The following SPAG17 variants were observed in gnomAD, a reference collection of about 807,000 sequenced individuals.
SPAG17 encodes the protein sperm associated antigen 17.
In SPAG17, 169 loss-of-function variants were observed where a neutral mutation model predicts 273.6. The ratio of observed to expected loss-of-function variants is 0.62; its 90% CI spans 0.55 to 0.70. The LOEUF (loss-of-function observed/expected upper bound fraction) is 0.70, where lower values mean the gene tolerates loss of function less well. Among genes scored for constraint, SPAG17 ranks in the 30% least tolerant of loss-of-function variants. SPAG17 has a pLI of 0.00. For synonymous variants in SPAG17, 825 were observed against 873.2 expected (o/e 0.94, Z 0.97); for missense variants, 2,557 against 2,627.8 (o/e 0.97, Z 0.59).
rs1052884220 is a variant in SPAG17, at chr1:118,008,371, C to T, written c.4433-173G>A. Among the ~76,000 whole-genome samples, 5 of 152,066 alleles carry T rather than the reference C, an allele frequency of 3.3e-5. 1 individual carries two copies. The highest frequency in any genetic ancestry group is 5.9e-5 in the Non-Finnish European group (4 of 68,010). ...CTCCACAGGGTTGGAGTGTGGCCTG[C>T]TGTTCTTGTCAATTCATAATAATTC... On this transcript the variant is annotated intron_variant, in intron 30 of 48. Transcript: ENST00000336338.
At chr1:118,100,718 G>A (rs1344259262) in intron 5 of SPAG17, among the ~76,000 whole-genome samples, 1 of 152,144 alleles carries the variant, frequency 6.6e-6, no homozygotes, top group Non-Finnish European at 1.5e-5. Context: ...AAAGCCCTCT[G>A]CTATCTCATT....
chr1:118,097,151 C>T (rs2102207751), intron 7 of SPAG17, among the ~76,000 whole-genome samples: 1 of 151,818 alleles, frequency 6.6e-6, no homozygotes, highest in African/African-American at 2.4e-5. Flanking sequence ...AAGAGAATCA[C>T]CTGAACTCAG....
At chr1:118,074,651 C>T (rs1935993) in intron 15 of SPAG17, 51 bp from the exon 16 acceptor site, 750,821 of 1,524,306 alleles carry the variant, frequency 0.49, 189,837 homozygotes, top group African/African-American at 0.6. Flanking sequence ...TTGTTCTTGC[C>T]CTGCTGGTTA....
intron 48 of SPAG17, chr1:117,959,373 G>A: frequency 6.2e-7 from 1 of 1,613,942 alleles, no homozygotes; most frequent in Non-Finnish European, 8.5e-7. Context: ...GTTTTTTGCT[G>A]ATGCTACTAG....
intron 40 of SPAG17, 52 bp downstream of exon 40, chr1:117,987,782 C>T (rs1656588463): frequency 1.3e-6 from 2 of 1,589,918 alleles, no homozygotes; most frequent in Admixed American, 1.7e-5. Flanking sequence ...CATTCTCAGT[C>T]TATTACTCTG....
At position 117,971,875 on chromosome 1, in the gene SPAG17, A is replaced by G. The variant is rs1340765552; in HGVS notation, c.6314T>C (p.Val2105Ala). The G allele has an allele frequency of 6.2e-7, 1 of 1,612,942 alleles. No homozygotes were observed. Among genetic ancestry groups the G allele is most frequent in the East Asian group, 2.2e-5 (1 of 44,832 alleles). ...ATVVKLKNVGVDFCRFKVKQP... is the reference protein window; with the variant it reads ...ATVVKLKNVGADFCRFKVKQP... ...CCCTTGGCCTCACCTGCAGAAGTCC[A>G]CTCCAACATTCTTGAGCTTTACAAC... The change falls in exon 45 of 49, where the codon GTG becomes GCG. Residue 2105 changes from valine to alanine, a missense_variant. Transcript: ENST00000336338.
At chr1:118,059,300 C>A (rs1274654877) in intron 18 of SPAG17, among the ~76,000 whole-genome samples, 1 of 152,104 alleles carries the variant, frequency 6.6e-6, no homozygotes, top group Non-Finnish European at 1.5e-5. Context: ...ATATTTAAAT[C>A]TCTAACCAAT....
intron 48 of SPAG17, 59 bp downstream of exon 48, chr1:117,963,740 G>T (rs1405741424): frequency 2.0e-6 from 3 of 1,503,800 alleles, no homozygotes; most frequent in Non-Finnish European, 2.7e-6. Flanking sequence ...GAAACCTGGG[G>T]TCTAATACCT....
chr1:118,008,602 T>G (rs927115895), intron 30 of SPAG17, among the ~76,000 whole-genome samples: 1 of 152,180 alleles, frequency 6.6e-6, no homozygotes, highest in Non-Finnish European at 1.5e-5. Context: ...TCTCCTTATA[T>G]CTGGGCTTAT....
chr1:118,081,763 C>T (rs1252926520), intron 13 of SPAG17, 121 bp from the exon 14 acceptor site: 1 of 761,024 alleles, frequency 1.3e-6, no homozygotes, highest in Non-Finnish European at 2.1e-6. Flanking sequence ...GCCACAATGG[C>T]TGTTGAGCTG....
chr1:118,105,100 A>C (rs1281600523), intron 4 of SPAG17, among the ~76,000 whole-genome samples: 1 of 152,206 alleles, frequency 6.6e-6, no homozygotes, highest in Non-Finnish European at 1.5e-5. Flanking sequence ...TCTTAGTTTC[A>C]TAACTAAGAA....
In SPAG17 at chr1:117,955,227, G is replaced by A. The variant is rs1652001224; in HGVS notation, c.*1-1178C>T. ...ACTTTTTCTGAAGTAAGAAGGAGGG[G>A]TTCCTGTTTTATAGGAGATAGAAAT... is the stretch of plus-strand genomic sequence containing the variant. On this transcript the variant is annotated intron_variant, in intron 48 of 48. Transcript: ENST00000336338. 11 of 1,110,062 alleles carry A rather than the reference G, an allele frequency of 9.9e-6. No homozygotes were observed. The South Asian group carries it at 1.5e-4, about 15-fold the overall frequency. The allele number at this position is 1,110,062 out of a possible 1,614,324, so 68.8% of individuals were successfully genotyped here.
At chr1:118,004,720 T>C (rs979080931) in intron 32 of SPAG17, among the ~76,000 whole-genome samples, 24 of 152,210 alleles carry the variant, frequency 1.6e-4, no homozygotes, top group Non-Finnish European at 3.2e-4. Context: ...CAGTTTGTCA[T>C]GGTTTCCCTT....
intron 1 of SPAG17, among the ~76,000 whole-genome samples, chr1:118,173,879 T>G (rs938802813): frequency 6.6e-5 from 8 of 121,604 alleles, no homozygotes; most frequent in East Asian, 2.3e-4. Context: ...AAAAAAAAAG[T>G]ACACACACAG....
At position 118,074,539 on chromosome 1, in the gene SPAG17, C is replaced by T; in HGVS notation, c.2271G>A (p.Lys757=). ...DAVTKADSHE[K]KPKKMMVEAD... ...CATTTTCAGAAAAATAATTCCTTAC[C>T]TTTTCATGAGAATCAGCCTTTGTGA... Residue 757 remains lysine (K), a splice_region_variant and synonymous_variant, in exon 16 of 49, where the codon AAG becomes AAA. Transcript: ENST00000336338. 1 of 1,612,736 alleles carries T rather than the reference C, an allele frequency of 6.2e-7. No individual in the cohort carries two copies. Among genetic ancestry groups the T allele is most frequent in the Non-Finnish European group, 8.5e-7 (1 of 1,179,028 alleles).
intron 3 of SPAG17, among the ~76,000 whole-genome samples, chr1:118,131,684 C>T (rs74113555): frequency 0.014 from 2,145 of 152,282 alleles, 40 homozygotes; most frequent in African/African-American, 0.047. Flanking sequence ...TTCACCACTA[C>T]CTAGAGCTTT....
intron 35 of SPAG17, among the ~76,000 whole-genome samples, chr1:117,992,883 T>G (rs1014735931): frequency 6.6e-6 from 1 of 152,192 alleles, no homozygotes; most frequent in Non-Finnish European, 1.5e-5. Context: ...TTAAAAATCC[T>G]GTTGCATGGT....
chr1:118,035,649 C>T (rs1190396049), intron 24 of SPAG17, among the ~76,000 whole-genome samples: 1 of 152,040 alleles, frequency 6.6e-6, no homozygotes, highest in African/African-American at 2.4e-5. Flanking sequence ...AAATTTATCT[C>T]TGCAAAAAAG....
intron 20 of SPAG17, among the ~76,000 whole-genome samples, chr1:118,046,411 C>CA (rs1557952350): frequency 1.3e-5 from 2 of 151,874 alleles, no homozygotes; most frequent in East Asian, 3.9e-4. Flanking sequence ...TGTAGCAACA[C>CA]AAAAAAATCA....
Sources: gnomAD v4.1 joint callset for allele counts (sites outside exome capture counted in the v4.1 genomes callset) on GRCh38, gnomAD v4.1.1 for gene constraint, MANE v1.5 for transcripts, NCBI Gene and HGNC (gene_info 2026-07-23, HGNC 2026-07-21) for gene names.